Variants in TASP1 observed in about 807,000 individuals in gnomAD.
The protein encoded by TASP1 is taspase 1, also known as threonine aspartase 1.
In TASP1, 16 loss-of-function variants were observed where a neutral mutation model predicts 56.6. The ratio of observed to expected loss-of-function variants is 0.28; its 90% CI spans 0.19 to 0.43. TASP1 has a LOEUF of 0.43. Among genes scored for constraint, TASP1 ranks in the 20% least tolerant of loss-of-function variants. The probability of loss-of-function intolerance (pLI) is 1.00; values close to 1 mark genes in which losing one functional copy is unlikely to be tolerated. For synonymous variants in TASP1, 179 were observed against 184.2 expected, an observed-to-expected ratio of 0.97 and a Z score of 0.23; for missense variants, 393 against 511.6, an observed-to-expected ratio of 0.77 and a Z score of 2.24.
At chr20:13,362,295 T>C in the TASP1 span, among the ~76,000 whole-genome samples, 2 of 151,898 alleles carry the variant, frequency 1.3e-5, no homozygotes, top group South Asian at 2.1e-4. Flanking sequence ...TGCACGTATA[T>C]GCCCAGATGG....
the TASP1 span, among the ~76,000 whole-genome samples, chr20:13,356,142 G>A: frequency 6.6e-6 from 1 of 152,202 alleles, no homozygotes; most frequent in Admixed American, 6.5e-5. Context: ...GAAAGGACAA[G>A]AAGAGAGAAG....
At chr20:13,637,935 A>G (rs1013703949) in intron 1 of TASP1, among the ~76,000 whole-genome samples, 20 of 152,246 alleles carry the variant, frequency 1.3e-4, no homozygotes, top group Admixed American at 1.2e-3. Context: ...AAGACAATCT[A>G]TCCGTGCAAT....
intron 2 of TASP1, among the ~76,000 whole-genome samples, chr20:13,626,103 TA>T (rs919086635): frequency 6.6e-6 from 1 of 152,088 alleles, no homozygotes; most frequent in Non-Finnish European, 1.5e-5. Context: ...TAAAGCCCCA[TA>T]GGGGTCCAAT....
intron 4 of TASP1, among the ~76,000 whole-genome samples, chr20:13,618,336 C>T (rs938377880): frequency 6.6e-6 from 1 of 152,056 alleles, no homozygotes; most frequent in Non-Finnish European, 1.5e-5. Flanking sequence ...TCATTTGAAC[C>T]CGGGAGGTGG....
At chr20:13,357,745 C>A in the TASP1 span, among the ~76,000 whole-genome samples, 1 of 152,196 alleles carries the variant, frequency 6.6e-6, no homozygotes, top group South Asian at 2.1e-4. Context: ...CTGAAAACAA[C>A]CCAGTGCTCA....
At chr20:13,241,328 G>A in the TASP1 span, among the ~76,000 whole-genome samples, 4 of 152,076 alleles carry the variant, frequency 2.6e-5, no homozygotes, top group African/African-American at 9.7e-5. Context: ...ATGAACATGT[G>A]GTCAAAAAAG....
the TASP1 span, among the ~76,000 whole-genome samples, chr20:13,242,516 G>A: frequency 6.6e-6 from 1 of 152,310 alleles, no homozygotes. Context: ...AGAAGGTCCA[G>A]TAAAAGGTTT....
intron 1 of TASP1, among the ~76,000 whole-genome samples, chr20:13,631,049 T>C (rs1034633946): frequency 6.6e-6 from 1 of 152,168 alleles, no homozygotes; most frequent in African/African-American, 2.4e-5. Flanking sequence ...TTTTTATTTG[T>C]ATTTTACATA....
chr20:13,178,795 G>A, the TASP1 span, among the ~76,000 whole-genome samples: 1 of 151,830 alleles, frequency 6.6e-6, no homozygotes, highest in African/African-American at 2.4e-5. Context: ...ACTTATTGAA[G>A]GATACAAAAT....
At chr20:13,196,351 A>C in the TASP1 span, among the ~76,000 whole-genome samples, 1 of 152,260 alleles carries the variant, frequency 6.6e-6, no homozygotes, top group African/African-American at 2.4e-5. Context: ...AAATATTAAA[A>C]AGTGAACTGT....
the TASP1 span, among the ~76,000 whole-genome samples, chr20:13,286,434 A>T: frequency 1.3e-5 from 2 of 152,200 alleles, no homozygotes; most frequent in African/African-American, 2.4e-5. Flanking sequence ...GAAAGAAGCT[A>T]ATGCCAGGGA....
intron 11 of TASP1, among the ~76,000 whole-genome samples, chr20:13,444,578 G>A (rs2043334303): frequency 6.6e-6 from 1 of 152,086 alleles, no homozygotes; most frequent in Admixed American, 6.6e-5. Flanking sequence ...TACCAAAGTA[G>A]GATAACAATT....
chr20:13,129,564 A>T, the TASP1 span, among the ~76,000 whole-genome samples: 1 of 152,232 alleles, frequency 6.6e-6, no homozygotes, highest in African/African-American at 2.4e-5. Flanking sequence ...ACTAGGAAAA[A>T]GTTATTCTAG....
intron 13 of TASP1, chr20:13,393,733 CT>C (rs1283433711): frequency 2.6e-6 from 2 of 770,276 alleles, no homozygotes; most frequent in African/African-American, 3.4e-5. Context: ...CCCTCAGCTG[CT>C]GGGAGTCCCT....
At chr20:13,473,469 T>C (rs1272737685) in intron 11 of TASP1, among the ~76,000 whole-genome samples, 1 of 152,100 alleles carries the variant, frequency 6.6e-6, no homozygotes, top group Non-Finnish European at 1.5e-5. Context: ...ACATGTACCC[T>C]AGAACTTAAA....
chr20:13,525,077 T>C (rs1022572782), intron 10 of TASP1, among the ~76,000 whole-genome samples: 2 of 152,164 alleles, frequency 1.3e-5, no homozygotes, highest in Non-Finnish European at 1.5e-5. Context: ...GAGAAGGCAG[T>C]GTGTTATACT....
At chr20:13,575,225 A>C (rs1185507583) in intron 6 of TASP1, among the ~76,000 whole-genome samples, 1 of 152,226 alleles carries the variant, frequency 6.6e-6, no homozygotes, top group Admixed American at 6.5e-5. Context: ...AGATCATCTC[A>C]ATAGATGCAG....
intron 7 of TASP1, among the ~76,000 whole-genome samples, chr20:13,566,042 C>T (rs2046516915): frequency 6.6e-6 from 1 of 152,150 alleles, no homozygotes; most frequent in Admixed American, 6.5e-5. Flanking sequence ...CATGCTACAA[C>T]ATGGATGAAC....
At chr20:13,401,584 T>C (rs1410927938) in intron 13 of TASP1, among the ~76,000 whole-genome samples, 3 of 152,218 alleles carry the variant, frequency 2.0e-5, no homozygotes, top group Non-Finnish European at 4.4e-5. Context: ...TTTATAATCA[T>C]AGAAACCAAT....
Sources: gnomAD v4.1 joint callset for allele counts (sites outside exome capture counted in the v4.1 genomes callset) on GRCh38, gnomAD v4.1.1 for gene constraint, MANE v1.5 for transcripts, NCBI Gene and HGNC (gene_info 2026-07-23, HGNC 2026-07-21) for gene names.